The following NEXMIF variants were observed in gnomAD, a reference collection of about 807,000 sequenced individuals.
NEXMIF encodes neurite extension and migration factor.
In NEXMIF, 8 loss-of-function variants were observed where a neutral mutation model predicts 62.1. The ratio of observed to expected loss-of-function variants is 0.13; its 90% CI spans 0.08 to 0.23. The LOEUF is 0.23. Among genes scored for constraint, NEXMIF ranks in the 10% least tolerant of loss-of-function variants. The probability of loss-of-function intolerance (pLI) is 1.00; values close to 1 mark genes in which losing one functional copy is unlikely to be tolerated. For missense variants in NEXMIF, 976 were observed against 1,113.3 expected (o/e 0.88, Z 1.75); for synonymous variants, 404 against 416.6 (o/e 0.97, Z 0.37).
At chrX:74,841,476 T>C (rs1186408911) in intron 1 of NEXMIF, among the ~76,000 whole-genome samples, 2 of 111,894 alleles carry the variant, frequency 1.8e-5, no homozygotes, top group Non-Finnish European at 3.8e-5. Context: ...TATTTCTTTC[T>C]CTTGCCTGAT....
intron 1 of NEXMIF, among the ~76,000 whole-genome samples, chrX:74,835,907 A>G (rs753924781): frequency 8.9e-6 from 1 of 112,083 alleles, no homozygotes; most frequent in Admixed American, 9.4e-5. Flanking sequence ...GGTGCCAGGG[A>G]TTGGAGTTAA....
chrX:74,785,495 AT>A (rs1381216443), intron 1 of NEXMIF, among the ~76,000 whole-genome samples: 3 of 111,019 alleles, frequency 2.7e-5, no homozygotes, highest in Non-Finnish European at 5.7e-5. Flanking sequence ...TAAAAAAAAA[AT>A]TTTTTTTCAA....
chrX:74,843,761 G>A (rs1358554095), intron 1 of NEXMIF, among the ~76,000 whole-genome samples: 4 of 111,843 alleles, frequency 3.6e-5, no homozygotes, highest in Non-Finnish European at 7.5e-5. Context: ...CTTTTAAGTT[G>A]GGCATTTAGC....
chrX:74,796,154 C>CATATATATT (rs1187970512), intron 1 of NEXMIF, among the ~76,000 whole-genome samples: 4 of 43,837 alleles, frequency 9.1e-5, no homozygotes, highest in Admixed American at 3.4e-4. Context: ...TATATATATA[C>CATATATATT]ATATATATTA....
At chrX:74,852,727 T>C (rs1360044766) in intron 1 of NEXMIF, among the ~76,000 whole-genome samples, 1 of 111,065 alleles carries the variant, frequency 9.0e-6, no homozygotes, top group Non-Finnish European at 1.9e-5. Context: ...AAGGAAAAAA[T>C]GTTTTAAAAA....
chrX:74,865,633 G>A (rs1379948305), intron 1 of NEXMIF, among the ~76,000 whole-genome samples: 3 of 111,826 alleles, frequency 2.7e-5, no homozygotes, highest in Non-Finnish European at 5.6e-5. Context: ...CCCATCAAAG[G>A]CCTGGAGGCC....
At chrX:74,796,191 TATATATATAC>T (rs2080308299) in intron 1 of NEXMIF, among the ~76,000 whole-genome samples, 23 of 62,061 alleles carry the variant, frequency 3.7e-4, no homozygotes, top group Admixed American at 7.3e-4. Flanking sequence ...ACATATATAT[TATATATATAC>T]ATATATATTA....
intron 1 of NEXMIF, among the ~76,000 whole-genome samples, chrX:74,819,271 T>C (rs894868030): frequency 1.8e-5 from 2 of 111,825 alleles, no homozygotes; most frequent in African/African-American, 6.5e-5. Context: ...GACATAGGCA[T>C]GGGCAAGGAC....
At chrX:74,877,675 A>T (rs1442335922) in intron 1 of NEXMIF, among the ~76,000 whole-genome samples, 4 of 111,332 alleles carry the variant, frequency 3.6e-5, no homozygotes, top group Non-Finnish European at 7.5e-5. Context: ...TATTTCTTGG[A>T]GGCTTTGCTC....
chrX:74,861,913 G>A (rs971450532), intron 1 of NEXMIF, among the ~76,000 whole-genome samples: 1 of 111,568 alleles, frequency 9.0e-6, no homozygotes, highest in Non-Finnish European at 1.9e-5. Context: ...AAAGACCAAT[G>A]ACACTATGAA....
At chrX:74,785,897 G>A (rs962274086) in intron 1 of NEXMIF, among the ~76,000 whole-genome samples, 4 of 112,636 alleles carry the variant, frequency 3.6e-5, no homozygotes, top group African/African-American at 1.3e-4. Flanking sequence ...AATGGTGGAG[G>A]AAGAGACTGT....
intron 1 of NEXMIF, among the ~76,000 whole-genome samples, chrX:74,791,325 GC>G (rs1323551119): frequency 9.0e-6 from 1 of 111,700 alleles, no homozygotes; most frequent in East Asian, 2.8e-4. Flanking sequence ...CAGGGATGAA[GC>G]CCACTTGATC....
At chrX:74,800,762 TTTTA>T (rs1464029748) in intron 1 of NEXMIF, among the ~76,000 whole-genome samples, 1 of 111,386 alleles carries the variant, frequency 9.0e-6, no homozygotes, top group Non-Finnish European at 1.9e-5. Context: ...TATTACTAAA[TTTTA>T]TTTATTTAGC....
chrX:74,754,537 G>A (rs1187658830), intron 1 of NEXMIF, among the ~76,000 whole-genome samples: 1 of 108,528 alleles, frequency 9.2e-6, no homozygotes, highest in Non-Finnish European at 1.9e-5. Context: ...TTGAACTCCT[G>A]ACCTTGTGAT....
At chrX:74,823,314 T>A (rs2080403477) in intron 1 of NEXMIF, among the ~76,000 whole-genome samples, 1 of 111,699 alleles carries the variant, frequency 9.0e-6, no homozygotes, top group Admixed American at 9.6e-5. Flanking sequence ...CAATGAACTG[T>A]ATGCCTTAAA....
intron 1 of NEXMIF, among the ~76,000 whole-genome samples, chrX:74,858,959 C>T (rs192212974): frequency 1.8e-5 from 2 of 109,516 alleles, no homozygotes; most frequent in African/African-American, 6.6e-5. Context: ...TTTGAAAATA[C>T]ACAGTAAGAG....
At chrX:74,888,122 C>G (rs190792640) in intron 1 of NEXMIF, among the ~76,000 whole-genome samples, 23 of 108,926 alleles carry the variant, frequency 2.1e-4, no homozygotes, top group African/African-American at 7.4e-4. Flanking sequence ...GGGAACATCA[C>G]ACACCTGGGA....
intron 1 of NEXMIF, among the ~76,000 whole-genome samples, chrX:74,791,453 C>T (rs2080282454): frequency 9.0e-6 from 1 of 110,810 alleles, no homozygotes; most frequent in African/African-American, 3.3e-5. Context: ...TTTGTTGTGT[C>T]TCTGCCTGGC....
intron 1 of NEXMIF, among the ~76,000 whole-genome samples, chrX:74,777,458 CTCT>C (rs1280328470): frequency 9.0e-6 from 1 of 111,568 alleles, no homozygotes; most frequent in African/African-American, 3.3e-5. Flanking sequence ...TACAATTTTT[CTCT>C]TCTAGATATT....
Sources: gnomAD v4.1 joint callset for allele counts (sites outside exome capture counted in the v4.1 genomes callset) on GRCh38, gnomAD v4.1.1 for gene constraint, MANE v1.5 for transcripts, NCBI Gene and HGNC (gene_info 2026-07-23, HGNC 2026-07-21) for gene names.